GNA12: variants seen among roughly 807,000 people sequenced by gnomAD.
GNA12 encodes G protein subunit alpha 12.
GNA12 carries 9 observed loss-of-function variants against 26.0 expected under a neutral mutation model. The ratio of observed to expected loss-of-function variants is 0.35; its 90% CI spans 0.21 to 0.60. The LOEUF (loss-of-function observed/expected upper bound fraction) is 0.60, where lower values mean the gene tolerates loss of function less well. Among genes scored for constraint, GNA12 ranks in the 20% least tolerant of loss-of-function variants. The pLI is 0.78. For missense variants in GNA12, 405 were observed against 525.8 expected (o/e 0.77, Z 2.25); for synonymous variants, 264 against 219.6 (o/e 1.20, Z -1.79).
At chr7:2,740,721 T>C (rs762009564) in intron 2 of GNA12, among the ~76,000 whole-genome samples, 2 of 152,172 alleles carry the variant, frequency 1.3e-5, no homozygotes, top group Non-Finnish European at 2.9e-5. Context: ...AGATGTTTAA[T>C]AGTTCAAATT....
intron 2 of GNA12, among the ~76,000 whole-genome samples, chr7:2,763,545 A>G (rs541136196): frequency 1.3e-5 from 2 of 152,336 alleles, no homozygotes; most frequent in Non-Finnish European, 2.9e-5. Flanking sequence ...CAGTGTCTCA[A>G]TTCTCAATGG....
intron 2 of GNA12, among the ~76,000 whole-genome samples, chr7:2,757,873 A>G (rs1033477917): frequency 5.9e-5 from 9 of 152,168 alleles, no homozygotes; most frequent in African/African-American, 1.4e-4. Context: ...GGCAGCTTAA[A>G]TATTTTTTCC....
chr7:2,789,199 G>A (rs1172481373), intron 2 of GNA12, among the ~76,000 whole-genome samples: 3 of 123,450 alleles, frequency 2.4e-5, no homozygotes, highest in Non-Finnish European at 4.9e-5. Flanking sequence ...GCAGTGGCGG[G>A]ATCTCGGCTC....
At chr7:2,767,196 A>C (rs1791829615) in intron 2 of GNA12, among the ~76,000 whole-genome samples, 1 of 151,982 alleles carries the variant, frequency 6.6e-6, no homozygotes, top group African/African-American at 2.4e-5. Context: ...CTGCCTTCTC[A>C]CTCTGTTGAT....
chr7:2,831,695 G>A (rs780834048), intron 1 of GNA12, among the ~76,000 whole-genome samples: 3 of 151,972 alleles, frequency 2.0e-5, no homozygotes, highest in East Asian at 1.9e-4. Flanking sequence ...GAACCACCGC[G>A]CCCCGCCTGG....
At chr7:2,743,934 T>G (rs955269306) in intron 2 of GNA12, among the ~76,000 whole-genome samples, 2 of 151,174 alleles carry the variant, frequency 1.3e-5, no homozygotes, top group African/African-American at 4.9e-5. Context: ...AGCACAGCAG[T>G]CTGAGATCAA....
chr7:2,746,839 C>T (rs1790788108), intron 2 of GNA12, among the ~76,000 whole-genome samples: 1 of 149,284 alleles, frequency 6.7e-6, no homozygotes, highest in Admixed American at 6.7e-5. Flanking sequence ...AAGGGGATAT[C>T]ATCACCAATC....
intron 2 of GNA12, chr7:2,775,325 T>C (rs1025600498): frequency 2.0e-5 from 3 of 152,146 alleles, no homozygotes; most frequent in Non-Finnish European, 2.9e-5. Context: ...ATTAAGTTGA[T>C]GGGAAGGAGA....
chr7:2,783,567 G>A (rs1461523261), intron 2 of GNA12, among the ~76,000 whole-genome samples: 1 of 152,096 alleles, frequency 6.6e-6, no homozygotes, highest in African/African-American at 2.4e-5. Flanking sequence ...CTGCAGCTCA[G>A]GCTCTGCTTC....
At chr7:2,761,995 G>A (rs957083443) in intron 2 of GNA12, among the ~76,000 whole-genome samples, 1 of 152,122 alleles carries the variant, frequency 6.6e-6, no homozygotes. Context: ...TAACCTCACC[G>A]AGGCCTCCCA....
intron 2 of GNA12, among the ~76,000 whole-genome samples, chr7:2,784,206 C>G (rs1363510812): frequency 1.3e-5 from 2 of 152,212 alleles, no homozygotes; most frequent in Non-Finnish European, 2.9e-5. Context: ...CAGCCTCAAC[C>G]TCCCAGGCTC....
At chr7:2,739,477 C>A (rs1790387957) in intron 2 of GNA12, among the ~76,000 whole-genome samples, 1 of 103,406 alleles carries the variant, frequency 9.7e-6, no homozygotes. Flanking sequence ...ATTTTACGGC[C>A]AATATATATA....
intron 1 of GNA12, among the ~76,000 whole-genome samples, chr7:2,800,283 T>G (rs1415801386): frequency 6.6e-6 from 1 of 152,198 alleles, no homozygotes; most frequent in Non-Finnish European, 1.5e-5. Context: ...GTGACAAGAT[T>G]ACAGAGATGG....
chr7:2,806,837 G>A (rs1342821784), intron 1 of GNA12, among the ~76,000 whole-genome samples: 1 of 152,224 alleles, frequency 6.6e-6, no homozygotes, highest in South Asian at 2.1e-4. Flanking sequence ...AATAAACAAC[G>A]ATGCAAGGAA....
At chr7:2,794,567 C>G (rs1792603223) in intron 2 of GNA12, among the ~76,000 whole-genome samples, 1 of 152,110 alleles carries the variant, frequency 6.6e-6, no homozygotes, top group Non-Finnish European at 1.5e-5. Flanking sequence ...GTGAGTTGCC[C>G]ATACCCACAG....
In GNA12 at chr7:2,786,538, G is replaced by A. The variant is rs889989584; in HGVS notation, c.525+8390C>T. Among the ~76,000 whole-genome samples the A allele has an allele frequency of 2.6e-5, 4 of 152,084 alleles. 1 individual carries two copies. In the South Asian group the frequency reaches 6.2e-4, roughly 24 times the overall value. On this transcript the variant is annotated intron_variant, in intron 2 of 3. Transcript: ENST00000275364. ...TGGCAAAACTTACAGAAAACTAAAC[G>A]TATAAACATATTATATCTCTGTCTG...
At chr7:2,783,869 G>T (rs1482341417) in intron 2 of GNA12, among the ~76,000 whole-genome samples, 36 of 151,778 alleles carry the variant, frequency 2.4e-4, no homozygotes, top group Non-Finnish European at 2.9e-5. Flanking sequence ...ATTTTTAGTA[G>T]AGACAGGGTT....
At chr7:2,812,261 T>C (rs1363749595) in intron 1 of GNA12, among the ~76,000 whole-genome samples, 1 of 152,276 alleles carries the variant, frequency 6.6e-6, no homozygotes, top group Non-Finnish European at 1.5e-5. Flanking sequence ...CTCAATGTTT[T>C]TCTTGGCTTG....
intron 1 of GNA12, among the ~76,000 whole-genome samples, chr7:2,797,924 T>TA (rs1792717767): frequency 1.3e-5 from 2 of 151,818 alleles, no homozygotes; most frequent in Admixed American, 6.6e-5. Context: ...AATGTATGGA[T>TA]AAAAAAAATA....
Sources: gnomAD v4.1 joint callset for allele counts (sites outside exome capture counted in the v4.1 genomes callset) on GRCh38, gnomAD v4.1.1 for gene constraint, MANE v1.5 for transcripts, NCBI Gene and HGNC (gene_info 2026-07-23, HGNC 2026-07-21) for gene names.